The following CUBN variants were observed in gnomAD, a reference collection of about 807,000 sequenced individuals.
The protein encoded by CUBN is cubilin.
In CUBN, 282 loss-of-function variants were observed where a neutral mutation model predicts 405.3. That is an observed-to-expected ratio of 0.70 (90% CI 0.63 to 0.77). CUBN has a LOEUF of 0.77. Ranked by LOEUF, CUBN falls within the 30% of genes least tolerant of loss-of-function variation. The pLI is 0.00. For missense variants in CUBN, 4,514 were observed against 4,475.2 expected (o/e 1.01, Z -0.25); for synonymous variants, 1,684 against 1,617.0 (o/e 1.04, Z -0.99).
At chr10:16,977,191 T>G (rs2131683813) in intron 31 of CUBN, among the ~76,000 whole-genome samples, 1 of 152,170 alleles carries the variant, frequency 6.6e-6, no homozygotes, top group Non-Finnish European at 1.5e-5. Flanking sequence ...AGAGGGCAGT[T>G]CCCCAGCAAA....
chr10:16,986,371 T>C (rs1833424284), intron 29 of CUBN, among the ~76,000 whole-genome samples: 1 of 149,674 alleles, frequency 6.7e-6, no homozygotes, highest in Non-Finnish European at 1.5e-5. Flanking sequence ...GGAAAATCAC[T>C]CAAGTGTTCT....
chr10:16,983,358 T>A (rs1184377416), intron 30 of CUBN, among the ~76,000 whole-genome samples: 1 of 152,044 alleles, frequency 6.6e-6, no homozygotes, highest in Non-Finnish European at 1.5e-5. Flanking sequence ...TATGATAGAG[T>A]TGAAGAAGTG....
At chr10:16,978,725 T>C (rs1470035890) in intron 31 of CUBN, among the ~76,000 whole-genome samples, 1 of 152,206 alleles carries the variant, frequency 6.6e-6, no homozygotes, top group African/African-American at 2.4e-5. Flanking sequence ...AATGAAATGT[T>C]GATATACACA....
At chr10:17,029,000 C>G (rs1282504609) in intron 27 of CUBN, among the ~76,000 whole-genome samples, 1 of 152,312 alleles carries the variant, frequency 6.6e-6, no homozygotes, top group East Asian at 1.9e-4. Context: ...TTTCGCCAGT[C>G]TGAGGAGCAG....
chr10:17,129,127 T>G lies in CUBN; in HGVS notation c.246A>C (p.Leu82Phe). ...TATATTTCCAGTGTATTACCTGATG[T>G]AAACACTCACTGAGATCTTCATCAT... ...KLNDEDLSEC[L>F]HQIQKNKEDI... The change falls in exon 2 of 67, where the codon TTA (leucine) becomes TTC (phenylalanine). Residue 82 changes from leucine (L) to phenylalanine (F), a missense_variant. By Grantham distance (22) the Leu-to-Phe change is conservative. Around this residue, in one of 5 missense-constraint regions of CUBN, gnomAD observed 1,448 missense variants for 1,388.0 expected, o/e 1.04. Coordinates refer to ENST00000377833, the MANE Select transcript of CUBN (RefSeq NM_001081.4). 1 of 1,611,382 alleles carries G rather than the reference T, an allele frequency of 6.2e-7. No individual in the cohort carries two copies.
rs1030784570 is a variant in CUBN at position 16,939,128 on chromosome 10, A to G, written c.5568T>C (p.Ile1856=). ...TFMKIFGNDN[I]VGTHGKVASP... ...AGGCGACTTTCCCATGAGTTCCCAC[A>G]ATATTATCATTGCCAAATACTAGGA... Residue 1856 remains isoleucine, a synonymous_variant, in exon 38 of 67, where the codon ATT becomes ATC. Coordinates refer to ENST00000377833, the MANE Select transcript of CUBN (RefSeq NM_001081.4). 1.9e-6 allele frequency: 3 copies of G among 1,613,784 alleles called. No individual in the cohort carries two copies. The highest frequency in any genetic ancestry group is 1.7e-6 in the Non-Finnish European group (2 of 1,179,684).
chr10:17,036,345 G>C (rs1249495247), intron 27 of CUBN, among the ~76,000 whole-genome samples: 5 of 152,182 alleles, frequency 3.3e-5, no homozygotes. Context: ...GAAGCCTTTG[G>C]GGAGAGGGAT....
At chr10:17,015,269 C>T (rs1265763967) in intron 28 of CUBN, among the ~76,000 whole-genome samples, 1 of 152,158 alleles carries the variant, frequency 6.6e-6, no homozygotes, top group Admixed American at 6.5e-5. Context: ...TCCAAATTGT[C>T]CTTCCAGTGT....
chr10:17,004,322 T>A (rs1361541802), intron 28 of CUBN, among the ~76,000 whole-genome samples: 1 of 152,228 alleles, frequency 6.6e-6, no homozygotes, highest in Non-Finnish European at 1.5e-5. Flanking sequence ...TTGCACAGTT[T>A]TGGATATATA....
At chr10:16,879,215 T>A (rs780839) in intron 56 of CUBN, among the ~76,000 whole-genome samples, 4 of 152,070 alleles carry the variant, frequency 2.6e-5, no homozygotes, top group African/African-American at 9.7e-5. Flanking sequence ...TCTGCAGGGA[T>A]GCCAACATTT....
In CUBN at chr10:16,985,765, G is replaced by A. The variant is rs141164792; in HGVS notation, c.4351-1486C>T. Among the ~76,000 whole-genome samples, 194 of 152,336 alleles carry A rather than the reference G, an allele frequency of 1.3e-3. 1 individual carries two copies. Among genetic ancestry groups the A allele is most frequent in the African/African-American group, 4.4e-3 (181 of 41,584 alleles). ...GCCACACCCCTGTCACAGGTCCTGC[G>A]ACGGGGTGGTCAGGGAACTCTCTTG... On this transcript the variant is annotated intron_variant, in intron 29 of 66. Coordinates refer to ENST00000377833, the MANE Select transcript of CUBN (RefSeq NM_001081.4).
In CUBN at chr10:16,933,162, C is replaced by T. The variant is rs76555786; in HGVS notation, c.6049G>A (p.Val2017Met). The T allele has an allele frequency of 1.5e-5, 24 of 1,613,884 alleles. 1 individual carries two copies. The highest frequency in any genetic ancestry group is 1.6e-4 in the Middle Eastern group (1 of 6,082). Residue 2017 changes from valine to methionine, a missense_variant, in exon 40 of 67, where the codon GTG becomes ATG. Coordinates refer to ENST00000377833, the MANE Select transcript of CUBN (RefSeq NM_001081.4). The part of the protein sequence containing the change: ...TWLIQAPDST[V>M]ELNILSLDIE... ...TCCAGGGAAAGAATGTTGAGTTCCA[C>T]GGTAGAGTCGGGAGCCTGGATGAGC...
chr10:17,033,426 AC>A lies in CUBN; in HGVS notation c.4017+7606del, dbSNP rs574944036. Among the ~76,000 whole-genome samples, 32 of 152,360 alleles carry A rather than the reference AC, an allele frequency of 2.1e-4. No homozygotes were observed. The Middle Eastern group carries it at 0.01, about 49-fold the overall frequency. ...ATTAAGGTGTGTTTCCTCCATCATGACAAGGAAAACTGATGCTAAAACAGTC... is the reference window on the plus strand; with the variant it reads ...ATTAAGGTGTGTTTCCTCCATCATGAAAGGAAAACTGATGCTAAAACAGTC... On this transcript the variant is annotated intron_variant, in intron 27 of 66. Coordinates refer to ENST00000377833, the MANE Select transcript of CUBN (RefSeq NM_001081.4).
chr10:17,113,425 CAA>C (rs5783533), intron 8 of CUBN, among the ~76,000 whole-genome samples: 24 of 150,914 alleles, frequency 1.6e-4, no homozygotes, highest in East Asian at 3.9e-4. Context: ...AGGCATCCTA[CAA>C]AAAAAAAAAT....
Position 16,928,169 on chromosome 10 carries a change from A to T in CUBN, c.6259T>A (p.Ser2087Thr), listed in dbSNP as rs1842246066. Residue 2087 changes from serine to threonine, a missense_variant, in exon 41 of 67, where the codon TCC (serine) becomes ACC (threonine). By Grantham distance (58) the Ser-to-Thr change is moderately conservative. This residue lies in a region of CUBN where 1,613 missense variants were observed against 1,542.8 expected (regional missense o/e 1.05). Coordinates refer to ENST00000377833, the MANE Select transcript of CUBN (RefSeq NM_001081.4). ...SSVTRAGFNA[S>T]FHKSCGGYLH... ...TTGAACTCATTACTCTTGTGAAAGG[A>T]TGCATTGAAGCCTGCCCTGGTTACA... The T allele has an allele frequency of 1.9e-6, 3 of 1,613,864 alleles. No individual in the cohort carries two copies. The East Asian group carries it at 6.7e-5, about 36-fold the overall frequency.
rs138534919 is a variant in CUBN, at chr10:16,915,848, C to A, written c.7183G>T (p.Val2395Leu). Residue 2395 changes from valine (V) to leucine (L), a missense_variant, in exon 46 of 67, where the codon GTG (valine) becomes TTG (leucine). Around this residue, in one of 5 missense-constraint regions of CUBN, gnomAD observed 1,613 missense variants for 1,542.8 expected, o/e 1.05. Coordinates refer to ENST00000377833, the MANE Select transcript of CUBN (RefSeq NM_001081.4). ...GAGGTATGATTGTCCCAGATCTCCA[C>A]GAAGTCTTTTTCACAGCCAGAAGAA... ...QNSSGCEKDF[V>L]EIWDNHTSGN... 1.2e-6 allele frequency: 2 copies of A among 1,613,530 alleles called. No individual in the cohort carries two copies. Among genetic ancestry groups the A allele is most frequent in the African/African-American group, 2.7e-5 (2 of 74,904 alleles).
At chr10:17,023,109 C>T (rs1369291575) in intron 27 of CUBN, among the ~76,000 whole-genome samples, 1 of 151,642 alleles carries the variant, frequency 6.6e-6, no homozygotes, top group Non-Finnish European at 1.5e-5. Flanking sequence ...CTTTTTTTTC[C>T]TTCCTTCTGG....
intron 60 of CUBN, among the ~76,000 whole-genome samples, chr10:16,841,549 A>C (rs1839348941): frequency 6.6e-6 from 1 of 152,166 alleles, no homozygotes. Context: ...CAAAGGCATC[A>C]CAATGGCTTT....
Position 17,087,147 on chromosome 10 carries a change from C to A in CUBN, c.1947+1017G>T, listed in dbSNP as rs1205839586. On this transcript the variant is annotated intron_variant, in intron 15 of 66. Coordinates refer to ENST00000377833, the MANE Select transcript of CUBN (RefSeq NM_001081.4). ...GAATAATTGCATTGACTCTATTCCT[C>A]TCTAATGGACTTGGAAATGCGTATT... Among the ~76,000 whole-genome samples the A allele has an allele frequency of 2.1e-4, 32 of 152,138 alleles. 1 individual carries two copies. The highest frequency in any genetic ancestry group is 2.1e-3 in the Admixed American group (32 of 15,274).
Sources: allele counts gnomAD v4.1 joint callset (sites outside exome capture counted in the v4.1 genomes callset), GRCh38; gene constraint gnomAD v4.1.1; regional missense constraint gnomAD v4.1.1; transcripts MANE v1.5; gene names NCBI Gene and HGNC (gene_info 2026-07-23, HGNC 2026-07-21).